CUX1: variants seen among roughly 807,000 people sequenced by gnomAD.
CUX1 encodes the protein cut like homeobox 1, also known as protein CASP.
Under a neutral mutation model 158.8 loss-of-function variants are expected in CUX1, and 31 were observed. The ratio of observed to expected loss-of-function variants is 0.20; its 90% CI spans 0.15 to 0.26. The LOEUF is 0.26. Among genes scored for constraint, CUX1 ranks in the 10% least tolerant of loss-of-function variants. CUX1 has a pLI of 1.00. For missense variants in CUX1, 1,589 were observed against 2,014.6 expected (o/e 0.79, Z 4.04); for synonymous variants, 879 against 862.1 (o/e 1.02, Z -0.34).
intron 1 of CUX1, among the ~76,000 whole-genome samples, chr7:101,891,918 A>G (rs1800917501): frequency 6.6e-6 from 1 of 152,220 alleles, no homozygotes; most frequent in Non-Finnish European, 1.5e-5. Flanking sequence ...TATAGTGTCA[A>G]TAAGTGTTAA....
chr7:102,282,797 C>T, intron 22 of CUX1: 2 of 1,439,220 alleles, frequency 1.4e-6, no homozygotes, highest in Non-Finnish European at 1.9e-6. Flanking sequence ...CCACTTGGGC[C>T]CCCCCTCAGC....
chr7:102,129,110 C>T (rs1219734128), intron 8 of CUX1, among the ~76,000 whole-genome samples: 2 of 152,188 alleles, frequency 1.3e-5, no homozygotes, highest in Non-Finnish European at 2.9e-5. Context: ...GCTTACCTCC[C>T]CCTGCTCAAG....
chr7:102,137,787 T>C (rs1834058976), intron 8 of CUX1, among the ~76,000 whole-genome samples: 2 of 152,224 alleles, frequency 1.3e-5, no homozygotes, highest in South Asian at 4.1e-4. Context: ...CTTATGTTTC[T>C]ATTTACTGTG....
chr7:102,200,043 A>G, intron 16 of CUX1, 28 bp from the exon 17 acceptor site: 1 of 1,582,856 alleles, frequency 6.3e-7, no homozygotes, highest in Non-Finnish European at 8.6e-7. Context: ...TTTGGGTTTG[A>G]TGTCATTGGC....
intron 2 of CUX1, among the ~76,000 whole-genome samples, chr7:102,004,981 A>G (rs1817147151): frequency 6.6e-6 from 1 of 152,240 alleles, no homozygotes; most frequent in African/African-American, 2.4e-5. Flanking sequence ...GGGCCATAAA[A>G]ATCCCAGCAG....
intron 1 of CUX1, among the ~76,000 whole-genome samples, chr7:101,838,803 CA>C (rs574880206): frequency 3.7e-4 from 54 of 144,544 alleles, no homozygotes; most frequent in South Asian, 4.3e-4. Flanking sequence ...AACGCTGTCT[CA>C]AAAAAAAAAA....
At chr7:101,895,019 TA>T (rs1360408365) in intron 1 of CUX1, among the ~76,000 whole-genome samples, 1 of 152,034 alleles carries the variant, frequency 6.6e-6, no homozygotes, top group Non-Finnish European at 1.5e-5. Flanking sequence ...GTATTTTATT[TA>T]ATTAATTTAT....
chr7:101,948,693 C>G (rs1284496707), intron 2 of CUX1, among the ~76,000 whole-genome samples: 1 of 152,338 alleles, frequency 6.6e-6, no homozygotes, highest in East Asian at 1.9e-4. Context: ...CACAGAGTCT[C>G]TCTTCTCTGA....
At chr7:101,947,873 C>G (rs1242000006) in intron 2 of CUX1, among the ~76,000 whole-genome samples, 1 of 152,178 alleles carries the variant, frequency 6.6e-6, no homozygotes, top group African/African-American at 2.4e-5. Context: ...AAGTTCAGCT[C>G]CCAGGAATTG....
chr7:102,280,676 C>A, intron 19 of CUX1: 2 of 861,818 alleles, frequency 2.3e-6, no homozygotes, highest in East Asian at 5.3e-5. Flanking sequence ...AGCACCCTGG[C>A]AGCCCCCTGG....
chr7:101,860,726 C>CCCTTTCCT (rs1283136503), intron 1 of CUX1, among the ~76,000 whole-genome samples: 1 of 126,604 alleles, frequency 7.9e-6, no homozygotes, highest in Non-Finnish European at 1.8e-5. Context: ...TCTTTTATCT[C>CCCTTTCCT]CCCTTCCTCC....
At chr7:101,913,386 C>T (rs1367756075) in intron 1 of CUX1, 6 of 1,266,144 alleles carry the variant, frequency 4.7e-6, no homozygotes, top group Admixed American at 2.3e-5. Context: ...GAGTCCCCGA[C>T]TGCCAGCAGC....
At chr7:101,878,833 G>A (rs925871003) in intron 1 of CUX1, among the ~76,000 whole-genome samples, 1 of 151,788 alleles carries the variant, frequency 6.6e-6, no homozygotes, top group African/African-American at 2.4e-5. Flanking sequence ...CCACCATGCC[G>A]GGCCAATTTT....
chr7:101,943,078 C>CTTTTTTTTTTTTTTTTTTTTTTTTT (rs58332486), intron 2 of CUX1, among the ~76,000 whole-genome samples: 1 of 80,332 alleles, frequency 1.2e-5, no homozygotes, highest in Non-Finnish European at 2.3e-5. Context: ...CTGGTCAGTG[C>CTTTTTTTTTTTTTTTTTTTTTTTTT]TTTTTTTTTT....
intron 2 of CUX1, among the ~76,000 whole-genome samples, chr7:101,933,645 T>C (rs569689060): frequency 1.3e-5 from 2 of 152,360 alleles, no homozygotes; most frequent in South Asian, 4.1e-4. Context: ...TAAACATTTC[T>C]GTTTTAGTAG....
intron 8 of CUX1, among the ~76,000 whole-genome samples, chr7:102,156,585 C>T (rs1789787096): frequency 6.6e-6 from 1 of 152,204 alleles, no homozygotes; most frequent in Non-Finnish European, 1.5e-5. Context: ...CTCCCAATGC[C>T]CCCACACTGG....
Position 102,227,624 on chromosome 7 carries a change from G to A in CUX1, c.3388G>A (p.Gly1130Ser), listed in dbSNP as rs782414948. ...VAMSPELDTY[G>S]ITKRVKEVLT... is the part of the protein sequence containing the mutation. Reference sequence around the variant, plus strand: ...CATGTCCCCGGAGCTGGACACCTACGGCATAACCAAGCGGGTGAAGGAGGT... The same window carrying A: ...CATGTCCCCGGAGCTGGACACCTACAGCATAACCAAGCGGGTGAAGGAGGT... Residue 1130 changes from glycine (G) to serine (S), a missense_variant, in exon 21 of 24, where the codon GGC becomes AGC. This residue lies in a region of CUX1 where 259 missense variants were observed against 373.8 expected (regional missense o/e 0.69). Transcript: ENST00000292535. The A allele has an allele frequency of 1.7e-5, 27 of 1,613,574 alleles. 1 individual carries two copies. In the South Asian group the frequency reaches 2.0e-4, roughly 12 times the overall value.
At chr7:102,062,443 G>C (rs1824995216) in intron 3 of CUX1, among the ~76,000 whole-genome samples, 1 of 152,194 alleles carries the variant, frequency 6.6e-6, no homozygotes, top group Admixed American at 6.5e-5. Flanking sequence ...AACCTAGACT[G>C]AGTTTTTATA....
chr7:102,033,164 A>C lies in CUX1; in HGVS notation c.189+5019A>C, dbSNP rs117145447. ...CTAAGCATCGGCTTTATAAAATTACAGTAGGCTGGTATGATGGCTCACGCC... is the reference window on the plus strand; with the variant it reads ...CTAAGCATCGGCTTTATAAAATTACCGTAGGCTGGTATGATGGCTCACGCC... On this transcript the variant is annotated intron_variant, in intron 3 of 23. Transcript: ENST00000292535. 5.0e-3 allele frequency among the ~76,000 whole-genome samples: 769 copies of C among 152,296 alleles called. 6 individuals are homozygous for C. The highest frequency in any genetic ancestry group is 0.025 in the South Asian group (119 of 4,820).
Sources: gnomAD v4.1 joint callset for allele counts (sites outside exome capture counted in the v4.1 genomes callset) on GRCh38, gnomAD v4.1.1 for gene constraint, gnomAD v4.1.1 regional missense constraint, MANE v1.5 for transcripts, NCBI Gene and HGNC (gene_info 2026-07-23, HGNC 2026-07-21) for gene names.